Variants in MYO10 observed in about 807,000 individuals in gnomAD.
MYO10 encodes the protein unconventional myosin-X.
Under a neutral mutation model 257.3 loss-of-function variants are expected in MYO10, and 133 were observed. The ratio of observed to expected loss-of-function variants is 0.52; its 90% CI spans 0.45 to 0.60. The LOEUF (loss-of-function observed/expected upper bound fraction) is 0.60. MYO10 is among the 20% of genes least tolerant of loss of function. MYO10 has a pLI of 0.00. For missense variants in MYO10, 2,399 were observed against 2,635.7 expected (o/e 0.91, Z 1.97); for synonymous variants, 1,104 against 1,028.6 (o/e 1.07, Z -1.40).
At position 16,869,047 on chromosome 5, in the gene MYO10, CAG is replaced by C. The variant is rs376485803; in HGVS notation, c.120+8560_120+8561del. ...TTGTTTTTTGTTTTTTGTTTTCAGA[CAG>C]AGTCTCGCTCTGTCGCCCAGCGTGG... On this transcript the variant is annotated intron_variant, in intron 2 of 40. Coordinates refer to ENST00000513610, the MANE Select transcript of MYO10 (RefSeq NM_012334.3). Among the ~76,000 whole-genome samples, 50 of 152,028 alleles carry C rather than the reference CAG, an allele frequency of 3.3e-4. 1 individual carries two copies. In the East Asian group the frequency reaches 7.4e-3, roughly 22 times the overall value.
chr5:16,833,678 T>C (rs552811775), intron 2 of MYO10, among the ~76,000 whole-genome samples: 5 of 152,180 alleles, frequency 3.3e-5, no homozygotes, highest in South Asian at 2.1e-4. Flanking sequence ...AACATGAGAT[T>C]TGGCAGTGCT....
chr5:16,816,591 T>C (rs6554948), intron 3 of MYO10, among the ~76,000 whole-genome samples: 108,615 of 149,530 alleles, frequency 0.73, 41,125 homozygotes, highest in Non-Finnish European at 0.83. Flanking sequence ...AGTGCAGTGG[T>C]GCGATCTTAG....
intron 5 of MYO10, among the ~76,000 whole-genome samples, chr5:16,782,187 T>C (rs909084431): frequency 4.6e-5 from 7 of 152,116 alleles, no homozygotes; most frequent in Non-Finnish European, 8.8e-5. Flanking sequence ...GTCCTGGAAA[T>C]TTCACCTATT....
chr5:16,736,399 ACAGCG>A (rs1364440039), intron 19 of MYO10, among the ~76,000 whole-genome samples: 1 of 152,188 alleles, frequency 6.6e-6, no homozygotes, highest in East Asian at 1.9e-4. Context: ...TGCTGATGCA[ACAGCG>A]CTGCAAACAA....
chr5:16,666,996 A>C (rs919291407), intron 40 of MYO10, among the ~76,000 whole-genome samples: 36 of 152,190 alleles, frequency 2.4e-4, no homozygotes, highest in African/African-American at 8.0e-4. Context: ...TTCCAAATAC[A>C]ATGTGCACCA....
intron 2 of MYO10, among the ~76,000 whole-genome samples, chr5:16,867,672 T>C (rs1490413354): frequency 6.6e-6 from 1 of 152,182 alleles, no homozygotes; most frequent in Non-Finnish European, 1.5e-5. Context: ...AAGTGGGAGC[T>C]GCGATTGCTT....
At position 16,701,284 on chromosome 5, in the gene MYO10, G is replaced by T; in HGVS notation, c.3111C>A (p.Asn1037Lys). The change falls in exon 25 of 41, where the codon AAC (asparagine) becomes AAA (lysine). Residue 1037 changes from asparagine to lysine, a missense_variant. By Grantham distance (94) the Asn-to-Lys change is moderately conservative. This residue lies in a region of MYO10 where 1,820 missense variants were observed against 1,939.4 expected (regional missense o/e 0.94). Coordinates refer to ENST00000513610, the MANE Select transcript of MYO10 (RefSeq NM_012334.3). This position sits in a 1 kb window ranked among gnomAD's most constrained non-coding sequence, Gnocchi z 8.1. The part of the protein sequence containing the change: ...DDSSEEDPYM[N>K]DTVVPTSPSA... Reference sequence around the variant, plus strand: ...TGGGGCTGGTGGGCACCACCGTGTCGTTCATGTATGGGTCCTCCTCTGAAG... The same window carrying T: ...TGGGGCTGGTGGGCACCACCGTGTCTTTCATGTATGGGTCCTCCTCTGAAG... 1.2e-6 allele frequency: 2 copies of T among 1,613,850 alleles called. No individual in the cohort carries two copies. Among genetic ancestry groups the T allele is most frequent in the Non-Finnish European group, 1.7e-6 (2 of 1,179,864 alleles).
At chr5:16,866,614 A>C (rs253472) in intron 2 of MYO10, among the ~76,000 whole-genome samples, 4,183 of 151,962 alleles carry the variant, frequency 0.028, 193 homozygotes, top group African/African-American at 0.088. Flanking sequence ...GATGCAAATG[A>C]CCTCCTGTTT....
chr5:16,768,984 C>A, intron 10 of MYO10, 90 bp downstream of exon 10: 2 of 1,430,514 alleles, frequency 1.4e-6, no homozygotes, highest in South Asian at 1.6e-5. Context: ...CCAGAATTTT[C>A]TTTCTGAAAG....
intron 4 of MYO10, among the ~76,000 whole-genome samples, chr5:16,791,263 A>T (rs1021987614): frequency 6.6e-6 from 1 of 152,202 alleles, no homozygotes; most frequent in Admixed American, 6.5e-5. Flanking sequence ...CAGGGCTCCT[A>T]CGTCCAGCAA....
At chr5:16,786,856 C>CT (rs1741595565) in intron 4 of MYO10, among the ~76,000 whole-genome samples, 1 of 132,558 alleles carries the variant, frequency 7.5e-6, no homozygotes, top group African/African-American at 2.7e-5. Context: ...GTGTAGAACT[C>CT]TGTCATTTTT....
intron 36 of MYO10, 94 bp from the exon 37 acceptor site, chr5:16,672,919 C>A: frequency 2.1e-6 from 3 of 1,436,400 alleles, no homozygotes; most frequent in South Asian, 1.4e-5. Flanking sequence ...GAGGGAGCTG[C>A]TGGCACAAGG....
chr5:16,788,871 T>C (rs1319800863), intron 4 of MYO10, among the ~76,000 whole-genome samples: 2 of 152,084 alleles, frequency 1.3e-5, no homozygotes, highest in African/African-American at 4.8e-5. Context: ...TTTTCCAAGA[T>C]GGAACATACT....
intron 1 of MYO10, among the ~76,000 whole-genome samples, chr5:16,918,805 G>GA (rs1419289827): frequency 1.3e-5 from 2 of 152,054 alleles, no homozygotes; most frequent in Non-Finnish European, 2.9e-5. Flanking sequence ...CTGGCCCACT[G>GA]AAAGTATTTT....
At chr5:16,841,573 A>G (rs1743482560) in intron 2 of MYO10, among the ~76,000 whole-genome samples, 1 of 152,168 alleles carries the variant, frequency 6.6e-6, no homozygotes, top group African/African-American at 2.4e-5. Flanking sequence ...TTCATTTGAA[A>G]ACTTTAAATT....
chr5:16,808,003 C>T (rs2126694582), intron 3 of MYO10, among the ~76,000 whole-genome samples: 1 of 152,306 alleles, frequency 6.6e-6, no homozygotes, highest in African/African-American at 2.4e-5. Flanking sequence ...TGGAGCCTAA[C>T]ACAGAGCCTG....
chr5:16,690,267 C>A (rs1159072112), intron 27 of MYO10, among the ~76,000 whole-genome samples: 1 of 152,184 alleles, frequency 6.6e-6, no homozygotes, highest in Non-Finnish European at 1.5e-5. Flanking sequence ...AGGTTACATG[C>A]AATGACTACA....
At position 16,713,382 on chromosome 5, in the gene MYO10, A is replaced by C. The variant is rs1231088612; in HGVS notation, c.1930-2137T>G. The C allele has an allele frequency of 7.1e-6, 7 of 985,360 alleles. No individual in the cohort carries two copies. The African/African-American group carries it at 1.2e-4, about 17-fold the overall frequency. 61.0% of individuals were successfully genotyped at this position (985,360 alleles called of 1,614,324 possible). A position where few individuals can be genotyped will look rare whatever the true frequency, so the allele number is the denominator to read the frequency against. On this transcript the variant is annotated intron_variant, in intron 19 of 40. Coordinates refer to ENST00000513610, the MANE Select transcript of MYO10 (RefSeq NM_012334.3). The stretch of plus-strand genomic sequence containing the variant: ...TCACCTTCAGTTTGGCTCTTGGGCC[A>C]AAATTCATATGGAAAACAACTGCCA...
At chr5:16,820,853 T>C (rs1346563599) in intron 2 of MYO10, among the ~76,000 whole-genome samples, 1 of 150,234 alleles carries the variant, frequency 6.7e-6, no homozygotes, top group East Asian at 1.9e-4. Flanking sequence ...ATATAATGTG[T>C]ATGGTATATA....
Sources: gnomAD v4.1 joint callset for allele counts (sites outside exome capture counted in the v4.1 genomes callset) on GRCh38, gnomAD v4.1.1 for gene constraint, gnomAD v4.1.1 regional missense constraint, Gnocchi (gnomAD v3.1) non-coding constraint, MANE v1.5 for transcripts, NCBI Gene and HGNC (gene_info 2026-07-23, HGNC 2026-07-21) for gene names.